The following SHROOM2 variants were observed in gnomAD, a reference collection of about 807,000 sequenced individuals.
SHROOM2 encodes protein Shroom2.
SHROOM2 carries 33 observed loss-of-function variants against 75.9 expected under a neutral mutation model. That is an observed-to-expected ratio of 0.43 (90% CI 0.33 to 0.58). The LOEUF is 0.58. Among genes scored for constraint, SHROOM2 ranks in the 20% least tolerant of loss-of-function variants. The probability of loss-of-function intolerance (pLI) is 0.04; values close to 1 mark genes in which losing one functional copy is unlikely to be tolerated. For synonymous variants in SHROOM2, 655 were observed against 663.6 expected (o/e 0.99, Z 0.20); for missense variants, 1,434 against 1,461.2 (o/e 0.98, Z 0.30).
chrX:9,914,325 TC>T (rs1401605853), intron 5 of SHROOM2, among the ~76,000 whole-genome samples: 2 of 109,640 alleles, frequency 1.8e-5, no homozygotes, highest in Non-Finnish European at 3.8e-5. Flanking sequence ...TGGCTGCTCT[TC>T]CAGAGTCCGC....
At chrX:9,911,596 G>T (rs1378530075) in intron 5 of SHROOM2, among the ~76,000 whole-genome samples, 1 of 110,972 alleles carries the variant, frequency 9.0e-6, no homozygotes, top group Non-Finnish European at 1.9e-5. Context: ...TGGTGCTGAG[G>T]TCTGGGGCTG....
chrX:9,944,947 G>T (rs776133900), intron 9 of SHROOM2, 34 bp downstream of exon 9: 6 of 1,161,211 alleles, frequency 5.2e-6, no homozygotes, highest in Non-Finnish European at 6.9e-6. Context: ...GGAAATGGGG[G>T]GTGGTCTCGT....
chrX:9,890,824 G>A (rs1261634917), intron 2 of SHROOM2, among the ~76,000 whole-genome samples, 153 bp from the exon 3 acceptor site: 1 of 108,084 alleles, frequency 9.3e-6, no homozygotes, highest in Non-Finnish European at 1.9e-5. Context: ...TGGCACAAGC[G>A]CACGTGCGCT....
chrX:9,932,564 T>C lies in SHROOM2; in HGVS notation c.3281T>C (p.Phe1094Ser). Reference sequence around the variant, plus strand: ...CCCGTGGGCGTCCTCGGCAGGCCCTTCCCAACGCCATCCCCTGCGTCCCTG... The same window carrying C: ...CCCGTGGGCGTCCTCGGCAGGCCCTCCCCAACGCCATCCCCTGCGTCCCTG... ...DAPVGVLGRP[F>S]PTPSPASLDV... The change falls in exon 6 of 10, where the codon TTC (phenylalanine) becomes TCC (serine). Residue 1094 changes from phenylalanine (F) to serine (S), a missense_variant. This residue lies in a region of SHROOM2 where 1,340 missense variants were observed against 1,338.3 expected (regional missense o/e 1.00). Coordinates refer to ENST00000380913, the MANE Select transcript of SHROOM2 (RefSeq NM_001649.4). The C allele has an allele frequency of 1.7e-6, 2 of 1,211,365 alleles. No homozygotes were observed. The highest frequency in any genetic ancestry group is 2.2e-6 in the Non-Finnish European group (2 of 895,327).
At chrX:9,812,805 T>G (rs1171912659) in intron 1 of SHROOM2, among the ~76,000 whole-genome samples, 3 of 112,444 alleles carry the variant, frequency 2.7e-5, no homozygotes, top group Non-Finnish European at 1.9e-5. Context: ...ATATTGCTGC[T>G]GAAGACAAAT....
At chrX:9,892,720 G>A (rs2084301149) in intron 3 of SHROOM2, among the ~76,000 whole-genome samples, 1 of 111,641 alleles carries the variant, frequency 9.0e-6, no homozygotes, top group African/African-American at 3.3e-5. Context: ...AAGATGGGTG[G>A]GAAACCCAAA....
chrX:9,856,024 C>CTTT (rs35234850), intron 1 of SHROOM2, among the ~76,000 whole-genome samples: 11 of 84,263 alleles, frequency 1.3e-4, no homozygotes, highest in African/African-American at 2.2e-4. Context: ...AGAATGTTTC[C>CTTT]TTTTTTTTTT....
In SHROOM2 at chrX:9,895,208, G is replaced by C. The variant is rs760659850; in HGVS notation, c.1300G>C (p.Asp434His). 5.8e-6 allele frequency: 7 copies of C among 1,207,467 alleles called. No individual in the cohort carries two copies. The highest frequency in any genetic ancestry group is 7.8e-6 in the Non-Finnish European group (7 of 893,914). ...HSGRHPPLYS[D>H]HSPLCADSLG... is the part of the protein sequence containing the mutation. The stretch of plus-strand genomic sequence containing the variant: ...CGGCCGACACCCTCCCCTATACAGC[G>C]ACCACAGCCCCCTCTGTGCTGACAG... The change falls in exon 4 of 10, where the codon GAC becomes CAC. Residue 434 changes from aspartate to histidine, a missense_variant. Asp to His is a moderately conservative substitution (Grantham distance 81, BLOSUM62 -1). Coordinates refer to ENST00000380913, the MANE Select transcript of SHROOM2 (RefSeq NM_001649.4).
rs1392344507 is a variant in SHROOM2, at chrX:9,932,627, C to A, written c.3344C>A (p.Pro1115His). Reference sequence around the variant, plus strand: ...GCCCGCCTGTCCCTCTCCCACAGCCCCTCTGTGTTCAGCAGTGCCCAGCCC... The same window carrying A: ...GCCCGCCTGTCCCTCTCCCACAGCCACTCTGTGTTCAGCAGTGCCCAGCCC... ...YVARLSLSHS[P>H]SVFSSAQPQD... Residue 1115 changes from proline to histidine, a missense_variant, in exon 6 of 10, where the codon CCC (proline) becomes CAC (histidine). Pro to His is a moderately conservative substitution (Grantham distance 77). Coordinates refer to ENST00000380913, the MANE Select transcript of SHROOM2 (RefSeq NM_001649.4). 8.3e-7 allele frequency: 1 copy of A among 1,211,236 alleles called. No individual in the cohort carries two copies. Among genetic ancestry groups the A allele is most frequent in the Non-Finnish European group, 1.1e-6 (1 of 895,057 alleles).
intron 1 of SHROOM2, among the ~76,000 whole-genome samples, chrX:9,799,138 C>T (rs1467339703): frequency 1.1e-5 from 1 of 94,481 alleles, no homozygotes; most frequent in East Asian, 3.6e-4. Flanking sequence ...ACTTGTTTGC[C>T]TTTACGGAGA....
In SHROOM2 at chrX:9,818,934, C is replaced by T. The variant is rs1033201220; in HGVS notation, c.165+32224C>T. The T allele has an allele frequency of 1.6e-4, 91 of 561,389 alleles. 1 individual carries two copies. Among genetic ancestry groups the T allele is most frequent in the Non-Finnish European group, 2.5e-4 (79 of 312,750 alleles). 46.3% of individuals were successfully genotyped at this position (561,389 alleles called of 1,213,427 possible). The stretch of plus-strand genomic sequence containing the variant: ...CCCCCCAGTCATCCTCCTCTTCTTC[C>T]ACTGTATGTGGAGGAGGGCTAATTT... On this transcript the variant is annotated intron_variant, in intron 1 of 9. Coordinates refer to ENST00000380913, the MANE Select transcript of SHROOM2 (RefSeq NM_001649.4).
At chrX:9,879,257 TA>T (rs1569156732) in intron 2 of SHROOM2, among the ~76,000 whole-genome samples, 1 of 111,042 alleles carries the variant, frequency 9.0e-6, no homozygotes, top group Non-Finnish European at 1.9e-5. Context: ...TATTTTTTTT[TA>T]TTTAATTTTA....
chrX:9,865,808 CCT>C (rs2084133974), intron 1 of SHROOM2, among the ~76,000 whole-genome samples: 1 of 110,318 alleles, frequency 9.1e-6, no homozygotes, highest in South Asian at 3.9e-4. Flanking sequence ...GATTCGCCCA[CCT>C]CACCCTCCCA....
intron 1 of SHROOM2, chrX:9,819,023 T>A: frequency 2.9e-6 from 3 of 1,041,049 alleles, no homozygotes. Flanking sequence ...CCTTTATATT[T>A]TTCTTTTCCT....
intron 1 of SHROOM2, among the ~76,000 whole-genome samples, chrX:9,797,398 G>GT (rs1010531491): frequency 7.1e-5 from 8 of 112,608 alleles, no homozygotes; most frequent in African/African-American, 2.6e-4. Flanking sequence ...TTCATTGTAT[G>GT]TTTTTTGGAT....
intron 2 of SHROOM2, among the ~76,000 whole-genome samples, chrX:9,880,603 C>T (rs1446863530): frequency 8.9e-6 from 1 of 112,579 alleles, no homozygotes; most frequent in Non-Finnish European, 1.9e-5. Context: ...AGCCCGGTTA[C>T]CACTAACACC....
In SHROOM2 at chrX:9,864,831, T is replaced by TAAATAA. The variant is rs1569153138; in HGVS notation, c.166-8819_166-8814dup. ...CAGAGCGAGACTCCGTCTCAAAAAA[T>TAAATAA]AAATAAATAAATAAAAATAAATAAA... On this transcript the variant is annotated intron_variant, in intron 1 of 9. Transcript: ENST00000380913. Among the ~76,000 whole-genome samples, 11 of 102,514 alleles carry TAAATAA rather than the reference T, an allele frequency of 1.1e-4. No homozygotes were observed. The South Asian group carries it at 1.3e-3, about 12-fold the overall frequency. The allele number at this position is 102,514 out of a possible 115,157, so 89.0% of individuals were successfully genotyped here.
intron 1 of SHROOM2, among the ~76,000 whole-genome samples, chrX:9,791,982 AATAG>A: frequency 0.015 from 1 of 66 alleles, no homozygotes; most frequent in East Asian, 0.034. Flanking sequence ...AATAGAATAG[AATAG>A]AATAGAATAG....
chrX:9,848,577 A>G (rs1243960576), intron 1 of SHROOM2, among the ~76,000 whole-genome samples: 2 of 107,605 alleles, frequency 1.9e-5, no homozygotes, highest in East Asian at 5.7e-4. Context: ...CTACATGTCT[A>G]GAGATAAAAC....
Sources: gnomAD v4.1 joint callset for allele counts (sites outside exome capture counted in the v4.1 genomes callset) on GRCh38, gnomAD v4.1.1 for gene constraint, gnomAD v4.1.1 regional missense constraint, MANE v1.5 for transcripts, NCBI Gene and HGNC (gene_info 2026-07-23, HGNC 2026-07-21) for gene names.